Variants in STAU2 observed in about 807,000 individuals in gnomAD.
The protein encoded by STAU2 is staufen double-stranded RNA binding protein 2, also known as double-stranded RNA-binding protein Staufen homolog 2.
Under a neutral mutation model 65.9 loss-of-function variants are expected in STAU2, and 20 were observed. The observed-to-expected ratio is 0.30, with a 90% CI of 0.21 to 0.44. The LOEUF (loss-of-function observed/expected upper bound fraction) is 0.44. Ranked by LOEUF, STAU2 falls within the 20% of genes least tolerant of loss-of-function variation. The pLI, the probability that STAU2 is intolerant of heterozygous loss-of-function variation, is 1.00. For missense variants in STAU2, 558 were observed against 683.9 expected (o/e 0.82, Z 2.05); for synonymous variants, 232 against 233.9 (o/e 0.99, Z 0.07).
chr8:73,722,766 T>C (rs547932009), intron 3 of STAU2, among the ~76,000 whole-genome samples: 1 of 152,354 alleles, frequency 6.6e-6, no homozygotes, highest in East Asian at 1.9e-4. Context: ...AATAGGTCCT[T>C]GGAAGCTGCA....
chr8:73,456,828 C>T (rs1243103024), intron 13 of STAU2, among the ~76,000 whole-genome samples: 1 of 152,140 alleles, frequency 6.6e-6, no homozygotes, highest in Non-Finnish European at 1.5e-5. Flanking sequence ...GGAAACAGTA[C>T]AGGGGCTGCT....
chr8:73,449,251 T>C (rs1818662592), intron 13 of STAU2, among the ~76,000 whole-genome samples: 1 of 152,202 alleles, frequency 6.6e-6, no homozygotes, highest in South Asian at 2.1e-4. Context: ...CTCCCTGGGC[T>C]CTGGAGGCCG....
At chr8:73,741,006 G>GAA (rs770291962) in intron 1 of STAU2, among the ~76,000 whole-genome samples, 15 of 62,790 alleles carry the variant, frequency 2.4e-4, no homozygotes, top group South Asian at 4.7e-4. Context: ...CTTCATCTCA[G>GAA]AAAAAAAAAA....
intron 5 of STAU2, among the ~76,000 whole-genome samples, chr8:73,680,054 A>G (rs1200377633): frequency 8.3e-6 from 1 of 121,026 alleles, no homozygotes. Flanking sequence ...GGAACTAGGG[A>G]AGTACCACAG....
At chr8:73,541,375 GTAGA>G (rs1398429908) in intron 13 of STAU2, among the ~76,000 whole-genome samples, 26 of 152,206 alleles carry the variant, frequency 1.7e-4, no homozygotes, top group African/African-American at 5.8e-4. Flanking sequence ...GAAATACTGA[GTAGA>G]CTGTATCAGC....
intron 6 of STAU2, among the ~76,000 whole-genome samples, chr8:73,617,788 G>T (rs923050031): frequency 2.0e-5 from 3 of 152,310 alleles, no homozygotes; most frequent in African/African-American, 7.2e-5. Context: ...TACAACAGAG[G>T]CTGGGTCAGG....
intron 13 of STAU2, among the ~76,000 whole-genome samples, chr8:73,473,258 G>T (rs1299945397): frequency 2.0e-5 from 3 of 152,108 alleles, no homozygotes; most frequent in African/African-American, 7.2e-5. Flanking sequence ...CAGTCTAAAT[G>T]AGAATACGTG....
In STAU2 at chr8:73,565,067, C is replaced by A. The variant is rs780582889; in HGVS notation, c.1223-12748G>T. ...AATAAGTGGGTTAGAAAATGAATGA[C>A]TGAATGTATACAAATGAATGTAAAA... On this transcript the variant is annotated intron_variant, in intron 12 of 14. Transcript: ENST00000524300. Among the ~76,000 whole-genome samples the A allele has an allele frequency of 4.6e-5, 7 of 152,202 alleles. 1 individual carries two copies. The highest frequency in any genetic ancestry group is 4.1e-4 in the South Asian group (2 of 4,826).
chr8:73,717,034 A>G (rs1215712384), intron 3 of STAU2, among the ~76,000 whole-genome samples: 1 of 152,100 alleles, frequency 6.6e-6, no homozygotes, highest in African/African-American at 2.4e-5. Flanking sequence ...CCAAGAGGTG[A>G]GGGGCTGCAG....
chr8:73,569,203 G>A (rs936507673), intron 12 of STAU2, among the ~76,000 whole-genome samples: 1 of 151,972 alleles, frequency 6.6e-6, no homozygotes, highest in Non-Finnish European at 1.5e-5. Flanking sequence ...ACAGAGCCTC[G>A]CTCACTGCTA....
intron 3 of STAU2, chr8:73,728,038 T>C (rs1225422319): frequency 6.6e-6 from 1 of 152,244 alleles, no homozygotes; most frequent in African/African-American, 2.4e-5. Flanking sequence ...GCCCATTTTT[T>C]AGTTGAGCTT....
intron 1 of STAU2, 96 bp downstream of exon 1, chr8:73,746,687 T>C: frequency 1.4e-6 from 1 of 730,860 alleles, no homozygotes; most frequent in East Asian, 3.6e-5. Flanking sequence ...GGGTTCCCCG[T>C]GCTGCGGAAC....
At chr8:73,493,828 G>T (rs1426780308) in intron 13 of STAU2, among the ~76,000 whole-genome samples, 1 of 151,726 alleles carries the variant, frequency 6.6e-6, no homozygotes, top group African/African-American at 2.4e-5. Context: ...TTAAAAAATG[G>T]AAACAGTTCA....
chr8:73,599,844 T>C (rs1005288634), intron 10 of STAU2, among the ~76,000 whole-genome samples: 6 of 152,126 alleles, frequency 3.9e-5, no homozygotes, highest in Admixed American at 6.6e-5. Context: ...CTCGGCTCAC[T>C]GCAAGCTCCG....
chr8:73,514,177 T>C (rs1822575033), intron 13 of STAU2, among the ~76,000 whole-genome samples: 2 of 152,198 alleles, frequency 1.3e-5, no homozygotes. Flanking sequence ...CATCAAGGCC[T>C]GCTGATTTTT....
At chr8:73,490,772 C>A (rs1821118891) in intron 13 of STAU2, among the ~76,000 whole-genome samples, 1 of 151,974 alleles carries the variant, frequency 6.6e-6, no homozygotes, top group Non-Finnish European at 1.5e-5. Flanking sequence ...GCTCAATATT[C>A]TTCCTTCTAA....
intron 13 of STAU2, among the ~76,000 whole-genome samples, chr8:73,424,403 G>A (rs1393371810): frequency 3.3e-5 from 5 of 151,962 alleles, no homozygotes; most frequent in Non-Finnish European, 5.9e-5. Context: ...GTTTCACCAT[G>A]TTGGCCAGGC....
intron 10 of STAU2, among the ~76,000 whole-genome samples, chr8:73,596,830 C>G (rs369300515): frequency 4.7e-4 from 72 of 152,080 alleles, no homozygotes; most frequent in African/African-American, 1.7e-3. Context: ...CCCTGGGCAA[C>G]AGAGTAAGAC....
At chr8:73,747,246 G>C (rs750960691), upstream of STAU2, 56 of 980,384 alleles carry the variant, frequency 5.7e-5, no homozygotes, top group Non-Finnish European at 7.6e-5. Context: ...CGTCCCCGGC[G>C]CGACTCCCCG....
Sources: allele counts gnomAD v4.1 joint callset (sites outside exome capture counted in the v4.1 genomes callset), GRCh38; gene constraint gnomAD v4.1.1; transcripts MANE v1.5; gene names NCBI Gene and HGNC (gene_info 2026-07-23, HGNC 2026-07-21).